Variants in TLK1 observed in about 807,000 individuals in gnomAD.
TLK1 encodes tousled like kinase 1, also known as serine/threonine-protein kinase tousled-like 1.
A neutral mutation model predicts 105.3 loss-of-function variants in TLK1; 24 were observed. The ratio of observed to expected loss-of-function variants is 0.23; its 90% CI spans 0.17 to 0.32. The LOEUF is 0.32. TLK1 is among the 10% of genes least tolerant of loss of function. TLK1 has a pLI of 1.00. For missense variants in TLK1, 558 were observed against 910.5 expected, an observed-to-expected ratio of 0.61 and a Z score of 4.98; for synonymous variants, 321 against 310.4, an observed-to-expected ratio of 1.03 and a Z score of -0.36.
intron 1 of TLK1, among the ~76,000 whole-genome samples, chr2:171,181,270 A>G (rs1692924326): frequency 1.3e-5 from 2 of 152,224 alleles, no homozygotes. Flanking sequence ...TTCGATTGGT[A>G]TGAATCATTC....
At chr2:171,144,407 G>C (rs1006432601) in intron 1 of TLK1, among the ~76,000 whole-genome samples, 13 of 152,150 alleles carry the variant, frequency 8.5e-5, no homozygotes, top group African/African-American at 3.1e-4. Flanking sequence ...CTCCAGGATA[G>C]ATGATCTATG....
At chr2:171,065,788 T>G (rs991816667) in intron 3 of TLK1, among the ~76,000 whole-genome samples, 4 of 152,196 alleles carry the variant, frequency 2.6e-5, no homozygotes, top group South Asian at 2.1e-4. Context: ...CCGCCCATCT[T>G]GGCCTCCCAG....
At chr2:171,158,882 G>T (rs1460335292) in intron 1 of TLK1, among the ~76,000 whole-genome samples, 1 of 152,156 alleles carries the variant, frequency 6.6e-6, no homozygotes, top group Admixed American at 6.5e-5. Context: ...AAGATGAAAG[G>T]GGGAAACGTC....
intron 3 of TLK1, among the ~76,000 whole-genome samples, chr2:171,078,188 T>G (rs1231061464): frequency 6.6e-6 from 1 of 152,176 alleles, no homozygotes; most frequent in East Asian, 1.9e-4. Context: ...GGCTCCTCCC[T>G]TTCCTTCTTT....
At chr2:171,028,547 A>G (rs1365096451) in intron 11 of TLK1, 142 bp from the exon 12 acceptor site, 1 of 587,510 alleles carries the variant, frequency 1.7e-6, no homozygotes, top group Non-Finnish European at 3.0e-6. Flanking sequence ...ATCCTTTGAG[A>G]TATTCTTCAG....
chr2:171,077,831 G>A (rs914106011), intron 3 of TLK1, among the ~76,000 whole-genome samples: 16 of 152,282 alleles, frequency 1.1e-4, no homozygotes, highest in African/African-American at 3.4e-4. Context: ...ATGATATCAC[G>A]TTATACAGCT....
At chr2:171,044,769 TTAAA>T (rs1686862571) in intron 11 of TLK1, among the ~76,000 whole-genome samples, 1 of 152,154 alleles carries the variant, frequency 6.6e-6, no homozygotes, top group South Asian at 2.1e-4. Flanking sequence ...GCCGGATGAG[TTAAA>T]ATGGAAACTT....
intron 12 of TLK1, among the ~76,000 whole-genome samples, chr2:171,020,469 G>T (rs1252659650): frequency 2.6e-5 from 4 of 151,594 alleles, no homozygotes; most frequent in African/African-American, 4.9e-5. Flanking sequence ...GAACCCAGGA[G>T]TCGGAGGTTG....
intron 2 of TLK1, among the ~76,000 whole-genome samples, chr2:171,096,982 C>T (rs1440425584): frequency 6.6e-6 from 1 of 152,044 alleles, no homozygotes; most frequent in Non-Finnish European, 1.5e-5. Context: ...AAAAAACAAC[C>T]CTAAATTTAC....
intron 1 of TLK1, among the ~76,000 whole-genome samples, chr2:171,217,289 C>T (rs1424983704): frequency 6.6e-6 from 1 of 152,200 alleles, no homozygotes; most frequent in African/African-American, 2.4e-5. Context: ...GACAAACGAA[C>T]TTACAAATCA....
intron 1 of TLK1, among the ~76,000 whole-genome samples, chr2:171,148,969 G>A (rs980332998): frequency 4.8e-5 from 7 of 147,202 alleles, no homozygotes; most frequent in African/African-American, 7.5e-5. Context: ...TATATATCAC[G>A]TTGCTTTAGT....
intron 2 of TLK1, among the ~76,000 whole-genome samples, chr2:171,108,142 A>G (rs1463100701): frequency 6.6e-6 from 1 of 152,106 alleles, no homozygotes; most frequent in African/African-American, 2.4e-5. Flanking sequence ...GTAAAGATGT[A>G]CATGAACACA....
chr2:171,106,453 A>C (rs1397173107), intron 2 of TLK1, among the ~76,000 whole-genome samples: 2 of 152,196 alleles, frequency 1.3e-5, no homozygotes, highest in Non-Finnish European at 2.9e-5. Context: ...GTACTCCATA[A>C]ATATGTACAA....
At chr2:171,100,396 G>A (rs1689637071) in intron 2 of TLK1, among the ~76,000 whole-genome samples, 1 of 152,064 alleles carries the variant, frequency 6.6e-6, no homozygotes, top group African/African-American at 2.4e-5. Context: ...TCTTACTCTG[G>A]CAAGACTGGA....
At chr2:171,167,515 A>G (rs971384179) in intron 1 of TLK1, among the ~76,000 whole-genome samples, 5 of 152,216 alleles carry the variant, frequency 3.3e-5, no homozygotes, top group African/African-American at 9.6e-5. Flanking sequence ...TTCTATCTTC[A>G]TTGCACAATT....
At chr2:171,156,883 T>G (rs544353946) in intron 1 of TLK1, among the ~76,000 whole-genome samples, 1 of 152,332 alleles carries the variant, frequency 6.6e-6, no homozygotes, top group South Asian at 2.1e-4. Flanking sequence ...CAGGCTGGAA[T>G]GCAATGACGC....
At chr2:171,088,526 G>GA (rs1689081772) in intron 2 of TLK1, among the ~76,000 whole-genome samples, 1 of 152,170 alleles carries the variant, frequency 6.6e-6, no homozygotes, top group African/African-American at 2.4e-5. Context: ...ATGGCTTAAA[G>GA]AAAACCAAAC....
At chr2:171,126,475 A>G (rs1690871628) in intron 1 of TLK1, among the ~76,000 whole-genome samples, 1 of 152,204 alleles carries the variant, frequency 6.6e-6, no homozygotes, top group African/African-American at 2.4e-5. Context: ...ATCACTTTAT[A>G]TGATAGTTAT....
intron 1 of TLK1, among the ~76,000 whole-genome samples, chr2:171,123,725 C>T (rs938575972): frequency 6.6e-6 from 1 of 152,146 alleles, no homozygotes; most frequent in South Asian, 2.1e-4. Flanking sequence ...GTAGGAGAAG[C>T]GCTTGGGGCC....
Sources: allele counts gnomAD v4.1 joint callset (sites outside exome capture counted in the v4.1 genomes callset), GRCh38; gene constraint gnomAD v4.1.1; transcripts MANE v1.5; gene names NCBI Gene and HGNC (gene_info 2026-07-23, HGNC 2026-07-21).